Variants in ARHGEF11 observed in about 807,000 individuals in gnomAD.
ARHGEF11 encodes the protein Rho guanine exchange factor (GEF) 11.
ARHGEF11 carries 55 observed loss-of-function variants against 193.7 expected under a neutral mutation model. The ratio of observed to expected loss-of-function variants is 0.28; its 90% CI spans 0.23 to 0.36. The LOEUF (loss-of-function observed/expected upper bound fraction) is 0.36, where lower values mean the gene tolerates loss of function less well. Ranked by LOEUF, ARHGEF11 falls within the 10% of genes least tolerant of loss-of-function variation. ARHGEF11 has a pLI of 1.00. For missense variants in ARHGEF11, 1,723 were observed against 2,005.6 expected (o/e 0.86, Z 2.69); for synonymous variants, 693 against 768.0 (o/e 0.90, Z 1.62).
intron 1 of ARHGEF11, among the ~76,000 whole-genome samples, chr1:157,034,331 G>A (rs537195350): frequency 6.6e-6 from 1 of 152,148 alleles, no homozygotes; most frequent in Non-Finnish European, 1.5e-5. Flanking sequence ...TGGGGCAGGC[G>A]GGACAATGGC....
At position 157,033,572 on chromosome 1, in the gene ARHGEF11, T is replaced by C. The variant is rs78831188; in HGVS notation, c.32+10727A>G. On this transcript the variant is annotated intron_variant, in intron 1 of 40. Coordinates refer to ENST00000368194, the MANE Select transcript of ARHGEF11 (RefSeq NM_198236.3). The stretch of plus-strand genomic sequence containing the variant: ...TGATCATGTCACCCTCTATTTAAAA[T>C]CTCACAATGATCTTCCACTGCCCTC... Among the ~76,000 whole-genome samples, 317 of 152,276 alleles carry C rather than the reference T, an allele frequency of 2.1e-3. 6 individuals are homozygous for C. In the East Asian group the frequency reaches 0.058, roughly 28 times the overall value.
Position 156,957,670 on chromosome 1 carries a change from G to A in ARHGEF11, c.1526+122C>T, listed in dbSNP as rs765347374. 8.3e-4 allele frequency: 912 copies of A among 1,098,032 alleles called. 4 individuals carry two copies. The highest frequency in any genetic ancestry group is 2.4e-3 in the Middle Eastern group (12 of 4,970). 68.0% of individuals were successfully genotyped at this position (1,098,032 alleles called of 1,614,324 possible). A position where few individuals can be genotyped will look rare whatever the true frequency, so the allele number is the denominator to read the frequency against. On this transcript the variant is annotated intron_variant, in intron 18 of 40. Transcript: ENST00000368194. ...TGAGTGCTAGACTTTCAGGAACCACGGTCCTTCATGGTTGTACAACATGAG... is the reference window on the plus strand; with the variant it reads ...TGAGTGCTAGACTTTCAGGAACCACAGTCCTTCATGGTTGTACAACATGAG...
chr1:157,026,600 C>T (rs1272158269), intron 1 of ARHGEF11, among the ~76,000 whole-genome samples: 1 of 152,138 alleles, frequency 6.6e-6, no homozygotes, highest in Non-Finnish European at 1.5e-5. Flanking sequence ...TCCAGTGGGG[C>T]CAAGCCAGAG....
intron 22 of ARHGEF11, among the ~76,000 whole-genome samples, chr1:156,949,564 T>C (rs1168617297): frequency 6.6e-6 from 1 of 152,204 alleles, no homozygotes; most frequent in Non-Finnish European, 1.5e-5. Context: ...CCTAGGGTCC[T>C]GAGGGTTTTG....
At chr1:157,005,931 AAGAGT>A (rs1349381021) in intron 1 of ARHGEF11, among the ~76,000 whole-genome samples, 1 of 152,242 alleles carries the variant, frequency 6.6e-6, no homozygotes, top group Non-Finnish European at 1.5e-5. Context: ...CTTGAAAGAA[AAGAGT>A]ATATCTCCCA....
intron 1 of ARHGEF11, among the ~76,000 whole-genome samples, chr1:156,989,098 C>T (rs983644134): frequency 1.7e-4 from 26 of 152,086 alleles, no homozygotes; most frequent in Admixed American, 1.7e-3. Context: ...AATTTGGCAG[C>T]AGAGCTCAGA....
At chr1:156,959,930 C>CG (rs1322162834) in intron 15 of ARHGEF11, among the ~76,000 whole-genome samples, 1 of 53,146 alleles carries the variant, frequency 1.9e-5, no homozygotes, top group African/African-American at 5.9e-5. Flanking sequence ...AATAACCCCC[C>CG]CTCCCCCCCC....
At chr1:157,012,148 T>C (rs938555673) in intron 1 of ARHGEF11, among the ~76,000 whole-genome samples, 1 of 152,032 alleles carries the variant, frequency 6.6e-6, no homozygotes, top group Admixed American at 6.6e-5. Flanking sequence ...TAACTGGCAA[T>C]TAAAAAAAGA....
At chr1:157,026,136 G>A (rs1027422219) in intron 1 of ARHGEF11, among the ~76,000 whole-genome samples, 1 of 152,234 alleles carries the variant, frequency 6.6e-6, no homozygotes, top group East Asian at 1.9e-4. Flanking sequence ...TGCAGTCAGC[G>A]GCAGATACCA....
chr1:156,941,483 G>A, intron 34 of ARHGEF11, 50 bp from the exon 35 acceptor site: 1 of 1,566,878 alleles, frequency 6.4e-7, no homozygotes, highest in Non-Finnish European at 8.8e-7. Context: ...TTCCACCCTG[G>A]ACTCATGCAT....
chr1:156,971,745 T>G lies in ARHGEF11; in HGVS notation c.654A>C (p.Arg218=). Residue 218 remains arginine (R), a synonymous_variant, in exon 8 of 41, where the codon CGA becomes CGC. Transcript: ENST00000368194. ...LEEQIEGARR[R]VTQLQLKIQQ... is the part of the protein sequence containing the mutation. The stretch of plus-strand genomic sequence containing the variant: ...GGATCTTCAGCTGTAACTGAGTGAC[T>G]CGCCGCCGGGCACCTTCGATCTGCT... The G allele has an allele frequency of 6.2e-7, 1 of 1,613,962 alleles. No individual in the cohort carries two copies.
chr1:157,026,228 C>T (rs1465664755), intron 1 of ARHGEF11, among the ~76,000 whole-genome samples: 3 of 152,192 alleles, frequency 2.0e-5, no homozygotes, highest in Non-Finnish European at 4.4e-5. Flanking sequence ...TTCAAAGTTA[C>T]CACTTTGGGA....
chr1:157,025,207 G>A (rs1402228857), intron 1 of ARHGEF11, among the ~76,000 whole-genome samples: 1 of 152,134 alleles, frequency 6.6e-6, no homozygotes, highest in Non-Finnish European at 1.5e-5. Context: ...TGTGGGCTGT[G>A]GTGCCTTTAC....
chr1:156,967,703 G>GT (rs1661886298), intron 11 of ARHGEF11, among the ~76,000 whole-genome samples: 1 of 152,152 alleles, frequency 6.6e-6, no homozygotes, highest in Non-Finnish European at 1.5e-5. Context: ...TTCCTATTCT[G>GT]TATAGACAGA....
At chr1:156,986,291 C>A in intron 1 of ARHGEF11, 118 bp from the exon 2 acceptor site, 1 of 745,214 alleles carries the variant, frequency 1.3e-6, no homozygotes, top group Non-Finnish European at 2.2e-6. Context: ...ACCAACCTAC[C>A]CGCCCTGTAA....
intron 1 of ARHGEF11, among the ~76,000 whole-genome samples, chr1:157,008,293 T>C (rs1219727005): frequency 6.6e-6 from 1 of 151,928 alleles, no homozygotes; most frequent in Non-Finnish European, 1.5e-5. Context: ...GTGATGGCAT[T>C]TGGAGATGGG....
chr1:156,959,018 G>C, intron 16 of ARHGEF11, 28 bp downstream of exon 16: 1 of 1,612,824 alleles, frequency 6.2e-7, no homozygotes, highest in Non-Finnish European at 8.5e-7. Context: ...AACGAGGAGA[G>C]AGGTGGGAGG....
At chr1:157,005,608 C>T (rs556366519) in intron 1 of ARHGEF11, among the ~76,000 whole-genome samples, 4 of 152,324 alleles carry the variant, frequency 2.6e-5, no homozygotes, top group Non-Finnish European at 5.9e-5. Flanking sequence ...TTACTTAAAA[C>T]GCATTAATCC....
chr1:157,017,535 G>C (rs530913049), intron 1 of ARHGEF11, among the ~76,000 whole-genome samples: 2 of 151,904 alleles, frequency 1.3e-5, no homozygotes, highest in East Asian at 1.9e-4. Context: ...GTGAAACCTT[G>C]TCTCTACTAA....
Sources: allele counts gnomAD v4.1 joint callset (sites outside exome capture counted in the v4.1 genomes callset), GRCh38; gene constraint gnomAD v4.1.1; transcripts MANE v1.5; gene names NCBI Gene and HGNC (gene_info 2026-07-23, HGNC 2026-07-21).